The following KAZN variants were observed in gnomAD, a reference collection of about 807,000 sequenced individuals.
KAZN encodes kazrin, periplakin interacting protein.
In KAZN, 40 loss-of-function variants were observed where a neutral mutation model predicts 87.4. The ratio of observed to expected loss-of-function variants is 0.46; its 90% CI spans 0.36 to 0.60. The LOEUF (loss-of-function observed/expected upper bound fraction) is 0.60. KAZN is among the 20% of genes least tolerant of loss of function. KAZN has a pLI of 0.00. For missense variants in KAZN, 898 were observed against 1,073.9 expected (o/e 0.84, Z 2.29); for synonymous variants, 466 against 458.3 (o/e 1.02, Z -0.22).
chr1:13,931,201 G>A (rs1031165874), intron 1 of KAZN, among the ~76,000 whole-genome samples: 1 of 152,294 alleles, frequency 6.6e-6, no homozygotes, highest in South Asian at 2.1e-4. Context: ...AAAATCTAAG[G>A]AAATGATAGT....
chr1:14,853,396 G>C (rs1422591229), intron 1 of KAZN, among the ~76,000 whole-genome samples: 1 of 152,048 alleles, frequency 6.6e-6, no homozygotes, highest in Non-Finnish European at 1.5e-5. Context: ...TTTTCTACGT[G>C]GTGCACACCC....
intron 2 of KAZN, among the ~76,000 whole-genome samples, chr1:15,000,696 A>G (rs1668373872): frequency 6.6e-6 from 1 of 152,022 alleles, no homozygotes; most frequent in Non-Finnish European, 1.5e-5. Context: ...AATAAGCACA[A>G]AATTACTCAG....
chr1:14,175,906 C>T (rs1358283766), intron 1 of KAZN, among the ~76,000 whole-genome samples: 1 of 152,080 alleles, frequency 6.6e-6, no homozygotes, highest in Non-Finnish European at 1.5e-5. Context: ...TGTCGTAGAC[C>T]ATGGGTAGGT....
intron 1 of KAZN, among the ~76,000 whole-genome samples, chr1:14,644,934 G>A (rs893382766): frequency 6.6e-6 from 1 of 152,182 alleles, no homozygotes; most frequent in Non-Finnish European, 1.5e-5. Context: ...TATAGTTGTG[G>A]ATTTTACATG....
chr1:14,670,296 G>A (rs1030114996), intron 1 of KAZN, among the ~76,000 whole-genome samples: 1 of 152,140 alleles, frequency 6.6e-6, no homozygotes, highest in African/African-American at 2.4e-5. Flanking sequence ...CTAGTCAAAG[G>A]CAGGGGTATT....
chr1:13,898,507 C>G (rs1402419594), intron 1 of KAZN, among the ~76,000 whole-genome samples: 2 of 152,212 alleles, frequency 1.3e-5, no homozygotes, highest in Non-Finnish European at 2.9e-5. Flanking sequence ...TTGACCCAAA[C>G]AACTAAAGTC....
intron 2 of KAZN, among the ~76,000 whole-genome samples, chr1:14,309,455 G>A (rs900226183): frequency 3.3e-5 from 5 of 152,200 alleles, no homozygotes; most frequent in Non-Finnish European, 5.9e-5. Flanking sequence ...AATGGGAGGA[G>A]GTCACAGCAG....
Position 14,258,062 on chromosome 1 carries a change from G to A in KAZN, c.249+77470G>A, listed in dbSNP as rs562745532. Among the ~76,000 whole-genome samples, 35 of 151,150 alleles carry A rather than the reference G, an allele frequency of 2.3e-4. 1 individual carries two copies. Among genetic ancestry groups the A allele is most frequent in the Middle Eastern group, 3.4e-3 (1 of 294 alleles). ...AGAAGCTCAGGCATTTATATGAAGT[G>A]CAAGAGACTGAACGGATGAAGAGAG... is the stretch of plus-strand genomic sequence containing the variant. On this transcript the variant is annotated intron_variant, in intron 2 of 16. Coordinates refer to the KAZN transcript ENST00000636203.
At chr1:14,694,181 TC>T (rs1428296981) in intron 1 of KAZN, among the ~76,000 whole-genome samples, 1 of 152,222 alleles carries the variant, frequency 6.6e-6, no homozygotes, top group Admixed American at 6.5e-5. Context: ...CGGTCGACAG[TC>T]GGCTTCAGCC....
chr1:14,824,130 A>T (rs1440244933), intron 1 of KAZN, among the ~76,000 whole-genome samples: 3 of 126,256 alleles, frequency 2.4e-5, no homozygotes, highest in African/African-American at 9.0e-5. Flanking sequence ...AAAAAAAAAA[A>T]AGGTTAAAAA....
chr1:14,223,907 T>A (rs1010729953), intron 2 of KAZN, among the ~76,000 whole-genome samples: 3 of 152,112 alleles, frequency 2.0e-5, no homozygotes, highest in Non-Finnish European at 4.4e-5. Context: ...AAGGAGGTGA[T>A]CAGCAAGGGC....
chr1:14,443,939 A>G (rs1266043576), intron 2 of KAZN, among the ~76,000 whole-genome samples: 1 of 152,194 alleles, frequency 6.6e-6, no homozygotes, highest in Admixed American at 6.5e-5. Context: ...TCCTAAGCAG[A>G]GCCACCACCT....
At chr1:14,435,369 G>GGTGA (rs1666320687) in intron 2 of KAZN, among the ~76,000 whole-genome samples, 1 of 152,222 alleles carries the variant, frequency 6.6e-6, no homozygotes, top group African/African-American at 2.4e-5. Flanking sequence ...GACAGCTAGA[G>GGTGA]GTGACCAGGA....
intron 2 of KAZN, among the ~76,000 whole-genome samples, chr1:14,400,947 T>C (rs1266687593): frequency 6.6e-6 from 1 of 152,262 alleles, no homozygotes; most frequent in African/African-American, 2.4e-5. Flanking sequence ...GTTATATAGA[T>C]ATTCATATGA....
chr1:14,044,412 T>C (rs761163), intron 1 of KAZN, among the ~76,000 whole-genome samples: 143,508 of 152,118 alleles, frequency 0.94, 67,795 homozygotes, highest in African/African-American at 0.98. Flanking sequence ...GCCATGTGAC[T>C]TTGAACAAGT....
chr1:14,059,847 C>T (rs1458063926), intron 1 of KAZN, among the ~76,000 whole-genome samples: 7 of 152,186 alleles, frequency 4.6e-5, no homozygotes, highest in East Asian at 1.9e-4. Flanking sequence ...GGAAGCATCT[C>T]GTAACACTTT....
At chr1:14,271,021 C>T (rs1317751813) in intron 2 of KAZN, among the ~76,000 whole-genome samples, 1 of 152,178 alleles carries the variant, frequency 6.6e-6, no homozygotes, top group Non-Finnish European at 1.5e-5. Flanking sequence ...AGATGGGAAG[C>T]TTCAACAACA....
chr1:14,908,547 C>T (rs535540530), intron 1 of KAZN, among the ~76,000 whole-genome samples: 1 of 151,950 alleles, frequency 6.6e-6, no homozygotes, highest in South Asian at 2.1e-4. Flanking sequence ...GTTTCAAAAA[C>T]AAAAAGAAAG....
In KAZN at chr1:14,697,159, A is replaced by AAG. The variant is rs1557897137; in HGVS notation, c.226+97937_226+97938insGA. Among the ~76,000 whole-genome samples, 7 of 135,070 alleles carry AAG rather than the reference A, an allele frequency of 5.2e-5. 1 individual carries two copies. Among genetic ancestry groups the AAG allele is most frequent in the East Asian group, 4.2e-4 (2 of 4,752 alleles). The allele number at this position is 135,070 out of a possible 152,430, so 88.6% of individuals were successfully genotyped here. On this transcript the variant is annotated intron_variant, in intron 1 of 14. Coordinates refer to ENST00000376030, the MANE Select transcript of KAZN (RefSeq NM_201628.3). ...AACCAACAAAAAAAAAAAAAAAAAG[A>AAG]AAAGAAAAGAAAAGAAATAATTGAC...
Sources: gnomAD v4.1 joint callset for allele counts (sites outside exome capture counted in the v4.1 genomes callset) on GRCh38, gnomAD v4.1.1 for gene constraint, MANE v1.5 for transcripts, NCBI Gene and HGNC (gene_info 2026-07-23, HGNC 2026-07-21) for gene names.